The following ZPBP variants were observed in gnomAD, a reference collection of about 807,000 sequenced individuals.
ZPBP encodes the protein zona pellucida binding protein.
Under a neutral mutation model 44.8 loss-of-function variants are expected in ZPBP, and 26 were observed. That is an observed-to-expected ratio of 0.58 (90% CI 0.43 to 0.81). The LOEUF is 0.81. Among genes scored for constraint, ZPBP ranks in the 30% least tolerant of loss-of-function variants. The pLI is 0.00. For synonymous variants in ZPBP, 174 were observed against 153.2 expected (o/e 1.14, Z -1.00); for missense variants, 409 against 434.0 (o/e 0.94, Z 0.51).
chr7:49,949,843 T>G (rs1007730753), intron 7 of ZPBP, among the ~76,000 whole-genome samples: 10 of 152,128 alleles, frequency 6.6e-5, no homozygotes, highest in Non-Finnish European at 1.5e-4. Flanking sequence ...CACATTCATA[T>G]ATTTAAATTA....
chr7:49,958,100 T>C (rs910412263), intron 7 of ZPBP, among the ~76,000 whole-genome samples: 5 of 152,210 alleles, frequency 3.3e-5, no homozygotes, highest in African/African-American at 1.2e-4. Context: ...TTTGGAAATA[T>C]ATCCTCTGCC....
At chr7:50,029,982 A>G (rs1799527520) in intron 5 of ZPBP, among the ~76,000 whole-genome samples, 2 of 152,112 alleles carry the variant, frequency 1.3e-5, no homozygotes, top group Non-Finnish European at 2.9e-5. Flanking sequence ...CAGCCTCCCA[A>G]GTAGCTGGGA....
chr7:50,018,696 C>A (rs1798936278), intron 5 of ZPBP, among the ~76,000 whole-genome samples: 1 of 151,806 alleles, frequency 6.6e-6, no homozygotes. Context: ...TCATTTAACT[C>A]AATTCTTAAT....
chr7:50,033,350 G>A (rs1427112816), intron 4 of ZPBP, among the ~76,000 whole-genome samples: 2 of 152,064 alleles, frequency 1.3e-5, no homozygotes, highest in Non-Finnish European at 2.9e-5. Context: ...GTATGACCAG[G>A]CTGCTTTAAG....
intron 6 of ZPBP, among the ~76,000 whole-genome samples, chr7:50,010,236 T>C (rs1025256257): frequency 6.6e-6 from 1 of 151,906 alleles, no homozygotes; most frequent in Non-Finnish European, 1.5e-5. Context: ...TCTTACTAGA[T>C]AGCTACAGTA....
At chr7:50,062,022 C>T (rs576252101) in intron 3 of ZPBP, among the ~76,000 whole-genome samples, 17 of 152,318 alleles carry the variant, frequency 1.1e-4, no homozygotes, top group African/African-American at 4.1e-4. Flanking sequence ...CATTTCTATT[C>T]ACCAATAATA....
intron 2 of ZPBP, among the ~76,000 whole-genome samples, chr7:49,888,624 C>A (rs750865281): frequency 7.2e-5 from 11 of 152,064 alleles, no homozygotes; most frequent in Non-Finnish European, 1.2e-4. Context: ...ATGAAGTGCA[C>A]CTTTTGCCAG....
chr7:49,982,291 AAT>A lies in ZPBP; in HGVS notation c.961+1049_961+1050del, dbSNP rs1400457094. 9.6e-4 allele frequency among the ~76,000 whole-genome samples: 42 copies of A among 43,572 alleles called. No individual in the cohort carries two copies. The East Asian group carries it at 0.012, about 12-fold the overall frequency. The allele number at this position is 43,572 out of a possible 152,430, so 28.6% of individuals were successfully genotyped here. A position where few individuals can be genotyped will look rare whatever the true frequency, so the allele number is the denominator to read the frequency against. Reference sequence around the variant, plus strand: ...TTATATATAATTTATAATTATACATAATATATATAATATATAATTATATAATA... The same window carrying A: ...TTATATATAATTTATAATTATACATAATATATAATATATAATTATATAATA... On this transcript the variant is annotated intron_variant, in intron 7 of 7. Coordinates refer to ENST00000046087, the MANE Select transcript of ZPBP (RefSeq NM_007009.3).
At chr7:50,016,561 T>C (rs1798832324) in intron 6 of ZPBP, among the ~76,000 whole-genome samples, 1 of 151,976 alleles carries the variant, frequency 6.6e-6, no homozygotes. Flanking sequence ...GAAAAAAGAA[T>C]AAATAAAAAT....
chr7:49,921,103 A>G (rs1283903561), intron 1 of ZPBP: 1 of 152,236 alleles, frequency 6.6e-6, no homozygotes, highest in African/African-American at 2.4e-5. Context: ...TTTCCTGCAT[A>G]TCTGACAGAT....
chr7:50,055,684 C>G (rs777289728), intron 4 of ZPBP, among the ~76,000 whole-genome samples: 5 of 152,120 alleles, frequency 3.3e-5, no homozygotes, highest in Non-Finnish European at 5.9e-5. Flanking sequence ...ACTAAGCAAG[C>G]ATTATATAAA....
At chr7:50,006,180 A>G (rs1798303273) in intron 6 of ZPBP, among the ~76,000 whole-genome samples, 1 of 151,936 alleles carries the variant, frequency 6.6e-6, no homozygotes, top group Non-Finnish European at 1.5e-5. Context: ...AGAGAAATAC[A>G]CAACAAAAAT....
At chr7:49,866,934 A>T (rs909914597) in intron 2 of ZPBP, among the ~76,000 whole-genome samples, 20 of 152,352 alleles carry the variant, frequency 1.3e-4, no homozygotes, top group African/African-American at 4.8e-4. Context: ...TCTTCTGAGG[A>T]CACACAGACC....
intron 6 of ZPBP, among the ~76,000 whole-genome samples, chr7:50,004,922 C>T (rs1720146072): frequency 6.6e-6 from 1 of 150,978 alleles, no homozygotes; most frequent in Admixed American, 6.6e-5. Flanking sequence ...TTTATACAGA[C>T]AGAAATGGCC....
chr7:49,875,772 T>G (rs532957329), intron 2 of ZPBP, among the ~76,000 whole-genome samples: 1 of 152,278 alleles, frequency 6.6e-6, no homozygotes, highest in East Asian at 1.9e-4. Flanking sequence ...AACAATGCCA[T>G]AGTAGTGCAA....
chr7:50,021,568 CAGA>C (rs1166521857), intron 5 of ZPBP, among the ~76,000 whole-genome samples: 10 of 151,764 alleles, frequency 6.6e-5, no homozygotes, highest in African/African-American at 2.4e-4. Flanking sequence ...ATGGGAGACA[CAGA>C]AGGAGAGAAA....
At chr7:50,028,234 A>G (rs145245727) in intron 5 of ZPBP, among the ~76,000 whole-genome samples, 466 of 152,162 alleles carry the variant, frequency 3.1e-3, no homozygotes, top group African/African-American at 0.01. Context: ...TGTTGAACAT[A>G]TAACAATCAA....
intron 2 of ZPBP, among the ~76,000 whole-genome samples, chr7:50,083,808 C>T (rs984230951): frequency 3.5e-4 from 53 of 151,922 alleles, no homozygotes; most frequent in African/African-American, 1.3e-3. Context: ...AGATTTATAC[C>T]TCTTACCGTA....
Position 50,005,821 on chromosome 7 carries a change from ATATGTG to A in ZPBP, c.783+12413_783+12418del, listed in dbSNP as rs1194966455. Among the ~76,000 whole-genome samples, 91 of 105,984 alleles carry A rather than the reference ATATGTG, an allele frequency of 8.6e-4. 3 individuals are homozygous for A. The highest frequency in any genetic ancestry group is 8.4e-3 in the Middle Eastern group (2 of 238). The allele number at this position is 105,984 out of a possible 152,430, so 69.5% of individuals were successfully genotyped here. A position where few individuals can be genotyped will look rare whatever the true frequency, so the allele number is the denominator to read the frequency against. On this transcript the variant is annotated intron_variant, in intron 6 of 7. Coordinates refer to ENST00000046087, the MANE Select transcript of ZPBP (RefSeq NM_007009.3). ...TAAATGAGTTAAACTTCATAACTAT[ATATGTG>A]TGTGTGTGTGTGTGTGTGTGTGTGT...
Sources: allele counts gnomAD v4.1 joint callset (sites outside exome capture counted in the v4.1 genomes callset), GRCh38; gene constraint gnomAD v4.1.1; transcripts MANE v1.5; gene names NCBI Gene and HGNC (gene_info 2026-07-23, HGNC 2026-07-21).